Variants in ZNF423 observed in about 807,000 individuals in gnomAD.
The protein encoded by ZNF423 is Ebf-associated zinc finger protein.
Under a neutral mutation model 95.8 loss-of-function variants are expected in ZNF423, and 12 were observed. The observed-to-expected ratio is 0.13, with a 90% CI of 0.08 to 0.20. The LOEUF (loss-of-function observed/expected upper bound fraction) is 0.20. Among genes scored for constraint, ZNF423 ranks in the 10% least tolerant of loss-of-function variants. ZNF423 has a pLI of 1.00. For synonymous variants in ZNF423, 749 were observed against 711.9 expected (o/e 1.05, Z -0.83); for missense variants, 1,316 against 1,737.1 (o/e 0.76, Z 4.31).
intron 4 of ZNF423, among the ~76,000 whole-genome samples, chr16:49,627,016 C>T (rs1972307286): frequency 1.6e-5 from 1 of 62,896 alleles, no homozygotes; most frequent in Non-Finnish European, 2.7e-5. Flanking sequence ...CATCCATATA[C>T]CCATCCATCC....
chr16:49,535,513 G>A (rs1166248238), intron 5 of ZNF423, among the ~76,000 whole-genome samples: 1 of 152,206 alleles, frequency 6.6e-6, no homozygotes. Context: ...GAGACAGGAG[G>A]TAACTATCTC....
chr16:49,533,921 G>A (rs1968953034), intron 5 of ZNF423, among the ~76,000 whole-genome samples: 1 of 152,190 alleles, frequency 6.6e-6, no homozygotes, highest in Admixed American at 6.5e-5. Context: ...ACTTTGGGAG[G>A]CCGAAGCAGG....
intron 3 of ZNF423, among the ~76,000 whole-genome samples, chr16:49,707,046 T>A (rs749803392): frequency 2.6e-5 from 4 of 152,186 alleles, no homozygotes; most frequent in African/African-American, 9.7e-5. Context: ...GGCTTCCCAC[T>A]AGGCTTGGAA....
At position 49,855,327 on chromosome 16, in the gene ZNF423, C is replaced by A. The variant is rs1275602656; in HGVS notation, c.40+408G>T. 1.3e-5 allele frequency among the ~76,000 whole-genome samples: 2 copies of A among 151,556 alleles called. No individual in the cohort carries two copies. The highest frequency in any genetic ancestry group is 1.5e-5 in the Non-Finnish European group (1 of 67,794). On this transcript the variant is annotated intron_variant, in intron 1 of 7. Coordinates refer to ENST00000563137, the MANE Select transcript of ZNF423 (RefSeq NM_001379286.1). The surrounding 1 kb of genome is among the most constrained non-coding windows in gnomAD (Gnocchi z 4.7). The stretch of plus-strand genomic sequence containing the variant: ...GCCGCCTCTTCCTTCCTCCTGTCGC[C>A]CGCCCGCCGCCGCCGAGATTCGCAA...
chr16:49,663,830 C>T (rs989851593), intron 3 of ZNF423, among the ~76,000 whole-genome samples: 1 of 152,154 alleles, frequency 6.6e-6, no homozygotes, highest in Non-Finnish European at 1.5e-5. Context: ...ATCCCCATGC[C>T]GCAGGGCCCC....
At chr16:49,588,050 G>A (rs1237434046) in intron 5 of ZNF423, among the ~76,000 whole-genome samples, 69 of 152,180 alleles carry the variant, frequency 4.5e-4, no homozygotes, top group Admixed American at 4.5e-3. Flanking sequence ...TCTAGGATAG[G>A]AGCTGTGTTT....
intron 7 of ZNF423, chr16:49,518,332 T>C: frequency 2.4e-6 from 1 of 412,016 alleles, no homozygotes; most frequent in South Asian, 1.8e-5. Flanking sequence ...TCTGAATGTG[T>C]CCAGTGACAA....
intron 5 of ZNF423, among the ~76,000 whole-genome samples, chr16:49,620,684 G>A (rs572401420): frequency 3.0e-4 from 46 of 152,284 alleles, no homozygotes; most frequent in Admixed American, 1.3e-3. Flanking sequence ...GAGGCCCTGC[G>A]TGAGGACGTC....
At chr16:49,648,878 G>A (rs1973282939) in intron 3 of ZNF423, among the ~76,000 whole-genome samples, 1 of 152,072 alleles carries the variant, frequency 6.6e-6, no homozygotes, top group South Asian at 2.1e-4. Context: ...AAATTTGGGG[G>A]TATTGCTCTG....
intron 1 of ZNF423, among the ~76,000 whole-genome samples, chr16:49,834,518 G>A (rs1373024557): frequency 6.6e-6 from 1 of 152,214 alleles, no homozygotes; most frequent in Non-Finnish European, 1.5e-5. Context: ...TGGAGGCCAG[G>A]GCTGGGCCCT....
At chr16:49,823,953 AC>A (rs1379653417) in intron 1 of ZNF423, among the ~76,000 whole-genome samples, 1 of 152,052 alleles carries the variant, frequency 6.6e-6, no homozygotes, top group East Asian at 1.9e-4. Flanking sequence ...AATTTGGTAC[AC>A]ACCTGTAGTC....
chr16:49,495,537 C>T (rs555997708), intron 7 of ZNF423, among the ~76,000 whole-genome samples: 2 of 152,320 alleles, frequency 1.3e-5, no homozygotes, highest in South Asian at 2.1e-4. Flanking sequence ...TTCATTCATT[C>T]GTCTTTGAGC....
At chr16:49,731,265 T>C (rs2143395256) in intron 2 of ZNF423, 1 of 968,838 alleles carries the variant, frequency 1.0e-6, no homozygotes, top group African/African-American at 1.8e-5. Flanking sequence ...AAAAACCTTA[T>C]TTGTCTCCTA....
chr16:49,621,667 G>A lies in ZNF423; in HGVS notation c.3601+4503C>T, dbSNP rs564246451. On this transcript the variant is annotated intron_variant, in intron 5 of 7. Transcript: ENST00000563137. Reference sequence around the variant, plus strand: ...GCCACTAAGGGGGACTTTTACCCCCGTCAGCGGCAGGGCAGCCACTCTGGG... The same window carrying A: ...GCCACTAAGGGGGACTTTTACCCCCATCAGCGGCAGGGCAGCCACTCTGGG... Among the ~76,000 whole-genome samples the A allele has an allele frequency of 9.2e-5, 14 of 152,206 alleles. No homozygotes were observed. In the South Asian group the frequency reaches 1.2e-3, roughly 14 times the overall value.
intron 7 of ZNF423, chr16:49,517,750 G>A (rs1968209716): frequency 3.2e-6 from 1 of 314,618 alleles, no homozygotes; most frequent in Non-Finnish European, 6.1e-6. Context: ...CCACCCTATG[G>A]CTTCGAAGTT....
chr16:49,724,626 A>G (rs2032958370), intron 3 of ZNF423, among the ~76,000 whole-genome samples: 1 of 152,232 alleles, frequency 6.6e-6, no homozygotes, highest in South Asian at 2.1e-4. Flanking sequence ...CAGCCGGCCG[A>G]CAGCACACGG....
At chr16:49,600,642 CT>C (rs1477052637) in intron 5 of ZNF423, among the ~76,000 whole-genome samples, 2 of 152,162 alleles carry the variant, frequency 1.3e-5, no homozygotes, top group African/African-American at 2.4e-5. Flanking sequence ...ATGGCCTCCC[CT>C]CTCTCGTGGG....
At chr16:49,720,169 C>T (rs1200519031) in intron 3 of ZNF423, among the ~76,000 whole-genome samples, 3 of 152,244 alleles carry the variant, frequency 2.0e-5, no homozygotes, top group Admixed American at 2.0e-4. Flanking sequence ...GGTGGGGGCA[C>T]AACTTCTATG....
intron 3 of ZNF423, among the ~76,000 whole-genome samples, chr16:49,695,368 C>T (rs113108755): frequency 0.035 from 5,383 of 152,348 alleles, 148 homozygotes; most frequent in East Asian, 0.071. Flanking sequence ...TCTCGGCTCA[C>T]CGCAACCTCC....
Sources: allele counts gnomAD v4.1 joint callset (sites outside exome capture counted in the v4.1 genomes callset), GRCh38; gene constraint gnomAD v4.1.1; non-coding constraint Gnocchi (gnomAD v3.1); transcripts MANE v1.5; gene names NCBI Gene and HGNC (gene_info 2026-07-23, HGNC 2026-07-21).